Variants in SNAPC2 observed in about 807,000 individuals in gnomAD.
SNAPC2 encodes the protein small nuclear RNA activating complex polypeptide 2.
A neutral mutation model predicts 22.9 loss-of-function variants in SNAPC2; 27 were observed. The ratio of observed to expected loss-of-function variants is 1.18; its 90% CI spans 0.87 to 1.63. The LOEUF (loss-of-function observed/expected upper bound fraction) is 1.63, where lower values mean the gene tolerates loss of function less well. SNAPC2 is among the 40% of genes most tolerant of loss of function. SNAPC2 has a pLI of 0.00. For synonymous variants in SNAPC2, 272 were observed against 201.0 expected, an observed-to-expected ratio of 1.35 and a Z score of -2.99; for missense variants, 570 against 449.1, an observed-to-expected ratio of 1.27 and a Z score of -2.43.
chr19:7,920,629 G>A (rs918123157), intron 1 of SNAPC2, 80 bp downstream of exon 1: 3 of 775,596 alleles, frequency 3.9e-6, no homozygotes, highest in Admixed American at 4.2e-5. Context: ...GCTGCGGCAG[G>A]AGCCAGCGGG....
At position 7,922,866 on chromosome 19, in the gene SNAPC2, T is replaced by C; in HGVS notation, c.*102T>C. ...CTGAGGATCCCGTCATGGGGGAAGG[T>C]CCTTGAGATGATGCTCAGCTGTGGG... On this transcript the variant is annotated 3_prime_UTR_variant, in exon 5 of 5. Transcript: ENST00000221573. The C allele has an allele frequency of 2.1e-6, 2 of 936,296 alleles. No individual in the cohort carries two copies. The highest frequency in any genetic ancestry group is 3.2e-6 in the Non-Finnish European group (2 of 624,664). The allele number at this position is 936,296 out of a possible 1,614,324, so 58.0% of individuals were successfully genotyped here.
At position 7,922,428 on chromosome 19, in the gene SNAPC2, C is replaced by T. The variant is rs374609069; in HGVS notation, c.686-17C>T. ...GGCAGGGGTGTCCCCTTACCCCTCT[C>T]CTCCATCCATCACTAGAGTCCGCTG... is the stretch of plus-strand genomic sequence containing the variant. On this transcript the variant is annotated splice_polypyrimidine_tract_variant and intron_variant, in intron 4 of 4. Transcript: ENST00000221573. The T allele has an allele frequency of 2.4e-5, 38 of 1,581,670 alleles. No individual in the cohort carries two copies. The highest frequency in any genetic ancestry group is 9.4e-5 in the African/African-American group (7 of 74,326).
rs143711887 is a variant in SNAPC2, at chr19:7,922,508, C to G, written c.749C>G (p.Thr250Arg). 1 of 1,610,122 alleles carries G rather than the reference C, an allele frequency of 6.2e-7. No homozygotes were observed. Among genetic ancestry groups the G allele is most frequent in the South Asian group, 1.1e-5 (1 of 90,910 alleles). ...LPEELPLLPCTALVEHMTETY... is the reference protein window; with the variant it reads ...LPEELPLLPCRALVEHMTETY... ...GAGGAGCTGCCACTCCTGCCCTGCA[C>G]AGCCCTGGTTGAGCATATGACGGAG... The change falls in exon 5 of 5, where the codon ACA becomes AGA. Residue 250 changes from threonine to arginine, a missense_variant. Coordinates refer to ENST00000221573, the MANE Select transcript of SNAPC2 (RefSeq NM_003083.4).
rs147722010 is a variant in SNAPC2, at chr19:7,921,900, G to C, written c.372+127G>C. On this transcript the variant is annotated intron_variant, in intron 3 of 4. Transcript: ENST00000221573. ...GACTCCGTCAGTCACTGGACACCTC[G>C]AGCCTCAGTGTCCCTGGCTCTGAGG... The C allele has an allele frequency of 2.9e-5, 39 of 1,359,704 alleles. 1 individual carries two copies. The South Asian group carries it at 4.7e-4, about 16-fold the overall frequency. 84.2% of individuals were successfully genotyped at this position (1,359,704 alleles called of 1,614,324 possible).
intron 1 of SNAPC2, chr19:7,921,008 G>C: frequency 8.8e-7 from 1 of 1,139,746 alleles, no homozygotes. Context: ...GCGAGCCTCG[G>C]GGTAATGCGT....
Position 7,922,944 on chromosome 19 carries a change from T to C in SNAPC2, c.*180T>C. 1.8e-6 allele frequency: 1 copy of C among 563,124 alleles called. No homozygotes were observed. Among genetic ancestry groups the C allele is most frequent in the South Asian group, 2.5e-5 (1 of 39,544 alleles). The allele number at this position is 563,124 out of a possible 1,614,324, so 34.9% of individuals were successfully genotyped here. On this transcript the variant is annotated 3_prime_UTR_variant, in exon 5 of 5. Transcript: ENST00000221573. ...GGGGGTCTCAGAAATGGAACCCCCG[T>C]TGTACAGGGGTTGGGTGGGGGTTGC...
At chr19:7,921,804 G>T (rs768798309) in intron 3 of SNAPC2, 31 bp downstream of exon 3, 19 of 1,603,656 alleles carry the variant, frequency 1.2e-5, no homozygotes, top group Non-Finnish European at 1.5e-5. Flanking sequence ...AGGTCAGGGT[G>T]TCCCAGAGGA....
In SNAPC2 at chr19:7,921,437, C is replaced by G. The variant is rs1392116539; in HGVS notation, c.198C>G (p.Leu66=). The change falls in exon 2 of 5, where the codon CTC becomes CTG. Residue 66 remains leucine, a synonymous_variant. Transcript: ENST00000221573. Reference sequence around the variant, plus strand: ...TTCCTTTCTAGATCCGGGTCTTCCTCCAGCAGCTCAAGGGCCGCGTAGCCC... The same window carrying G: ...TTCCTTTCTAGATCCGGGTCTTCCTGCAGCAGCTCAAGGGCCGCGTAGCCC... ...GRSEAEIRVF[L]QQLKGRVARE... is the part of the protein sequence containing the mutation. The G allele has an allele frequency of 6.2e-7, 1 of 1,613,876 alleles. No homozygotes were observed. Among genetic ancestry groups the G allele is most frequent in the Admixed American group, 1.7e-5 (1 of 60,010 alleles).
intron 3 of SNAPC2, 66 bp from the exon 4 acceptor site, chr19:7,921,969 G>A (rs1599640784): frequency 3.3e-6 from 5 of 1,522,052 alleles, no homozygotes; most frequent in East Asian, 2.3e-5. Context: ...AGGGAGGATG[G>A]GGGAATGTGT....
chr19:7,921,815 C>T (rs1240460976), intron 3 of SNAPC2, 42 bp downstream of exon 3: 9 of 1,593,144 alleles, frequency 5.6e-6, no homozygotes, highest in Non-Finnish European at 6.9e-6. Context: ...TCCCAGAGGA[C>T]AGGGTCACAT....
Position 7,921,362 on chromosome 19 carries a change from G to C in SNAPC2, c.184-61G>C, listed in dbSNP as rs1254070089. ...AGAGCATACAAGGGATTGGGCTTTG[G>C]CTTCTCTGCTGCAGCCCTGAGCTCA... On this transcript the variant is annotated intron_variant, in intron 1 of 4. Transcript: ENST00000221573. 1.0e-4 allele frequency: 162 copies of C among 1,611,806 alleles called. 1 individual carries two copies. The highest frequency in any genetic ancestry group is 3.4e-6 in the Non-Finnish European group (4 of 1,179,338).
Position 7,922,161 on chromosome 19 carries a change from A to T in SNAPC2, c.499A>T (p.Ile167Leu). ...PGGQEDPAPE[I>L]PSSAPAAPSS... ...AGGACAGGAAGACCCCGCCCCTGAAATACCTAGCTCTGCCCCTGCTGCACC... is the reference window on the plus strand; with the variant it reads ...AGGACAGGAAGACCCCGCCCCTGAATTACCTAGCTCTGCCCCTGCTGCACC... The change falls in exon 4 of 5, where the codon ATA (isoleucine) becomes TTA (leucine). Residue 167 changes from isoleucine to leucine, a missense_variant. Physicochemically the swap from Ile to Leu is conservative, Grantham distance 5. Transcript: ENST00000221573. The T allele has an allele frequency of 1.2e-6, 2 of 1,613,982 alleles. No individual in the cohort carries two copies. Among genetic ancestry groups the T allele is most frequent in the Non-Finnish European group, 1.7e-6 (2 of 1,179,996 alleles).
intron 1 of SNAPC2, chr19:7,921,112 A>G: frequency 7.7e-7 from 1 of 1,303,404 alleles, no homozygotes; most frequent in Non-Finnish European, 9.8e-7. Flanking sequence ...ACAGGATACG[A>G]GCTTGAAGTG....
chr19:7,921,038 C>G (rs1400183453), intron 1 of SNAPC2: 3 of 1,154,108 alleles, frequency 2.6e-6, no homozygotes, highest in South Asian at 2.2e-5. Context: ...GAGGGCTAAA[C>G]GGGCGGAATG....
At chr19:7,920,860 G>C in intron 1 of SNAPC2, 1 of 849,122 alleles carries the variant, frequency 1.2e-6, no homozygotes, top group South Asian at 3.2e-5. Flanking sequence ...TTGGAGAGTG[G>C]GTGGGTGAGT....
At position 7,921,449 on chromosome 19, in the gene SNAPC2, G is replaced by A; in HGVS notation, c.210G>A (p.Lys70=). 4.3e-6 allele frequency: 7 copies of A among 1,613,874 alleles called. No individual in the cohort carries two copies. The highest frequency in any genetic ancestry group is 5.9e-6 in the Non-Finnish European group (7 of 1,179,844). Reference sequence around the variant, plus strand: ...TCCGGGTCTTCCTCCAGCAGCTCAAGGGCCGCGTAGCCCGGGAGGCCATTC... The same window carrying A: ...TCCGGGTCTTCCTCCAGCAGCTCAAAGGCCGCGTAGCCCGGGAGGCCATTC... ...AEIRVFLQQL[K]GRVAREAIQK... The change falls in exon 2 of 5, where the codon AAG becomes AAA. Residue 70 remains lysine (K), a synonymous_variant. Transcript: ENST00000221573.
Position 7,920,554 on chromosome 19 carries a change from G to GA in SNAPC2, c.183+6dup. On this transcript the variant is annotated splice_donor_region_variant and intron_variant, in intron 1 of 4. Coordinates refer to ENST00000221573, the MANE Select transcript of SNAPC2 (RefSeq NM_003083.4). Reference sequence around the variant, plus strand: ...CGGGGCCGGAGCGAGGCTGAGGTGAGATGCGGTTCTCGGGACCGGAGCCAG... The same window carrying GA: ...CGGGGCCGGAGCGAGGCTGAGGTGAGAATGCGGTTCTCGGGACCGGAGCCAG... The GA allele has an allele frequency of 7.5e-7, 1 of 1,329,392 alleles. No individual in the cohort carries two copies. The highest frequency in any genetic ancestry group is 1.6e-5 in the South Asian group (1 of 64,402). 82.3% of individuals were successfully genotyped at this position (1,329,392 alleles called of 1,614,324 possible).
At position 7,923,000 on chromosome 19, in the gene SNAPC2, A is replaced by G; in HGVS notation, c.*236A>G. ...TCCACTCACAAGCCTCCTGATGTCA[A>G]GGACAGGCGGACAGGGCTGGCCTCC... On this transcript the variant is annotated 3_prime_UTR_variant, in exon 5 of 5. Transcript: ENST00000221573. The G allele has an allele frequency of 4.1e-6, 2 of 490,356 alleles. No homozygotes were observed. The highest frequency in any genetic ancestry group is 7.2e-6 in the Non-Finnish European group (2 of 277,864). 30.4% of individuals were successfully genotyped at this position (490,356 alleles called of 1,614,324 possible).
chr19:7,921,119 A>G, intron 1 of SNAPC2: 2 of 1,313,260 alleles, frequency 1.5e-6, no homozygotes, highest in Non-Finnish European at 1.9e-6. Flanking sequence ...ACGAGCTTGA[A>G]GTGAGAGGGA....
Sources: allele counts gnomAD v4.1 joint callset, GRCh38; gene constraint gnomAD v4.1.1; transcripts MANE v1.5; gene names NCBI Gene and HGNC (gene_info 2026-07-23, HGNC 2026-07-21).